Variants in ATP8B4 observed in about 807,000 individuals in gnomAD.
ATP8B4 encodes probable phospholipid-transporting ATPase IM.
ATP8B4 carries 133 observed loss-of-function variants against 145.6 expected under a neutral mutation model. The ratio of observed to expected loss-of-function variants is 0.91; its 90% CI spans 0.79 to 1.05. ATP8B4 has a LOEUF of 1.05. Among genes scored for constraint, ATP8B4 ranks in the 50% least tolerant of loss-of-function variants. ATP8B4 has a pLI of 0.00. For missense variants in ATP8B4, 1,458 were observed against 1,425.2 expected (o/e 1.02, Z -0.37); for synonymous variants, 507 against 492.9 (o/e 1.03, Z -0.38).
intron 3 of ATP8B4, among the ~76,000 whole-genome samples, chr15:50,064,659 A>G (rs2053255330): frequency 6.6e-6 from 1 of 152,136 alleles, no homozygotes; most frequent in Admixed American, 6.5e-5. Flanking sequence ...GTATTAGTCT[A>G]TTCTCATGCT....
intron 2 of ATP8B4, among the ~76,000 whole-genome samples, chr15:50,098,266 ATTTTTTTTTTTTTTTTTT>A (rs71124319): frequency 3.4e-4 from 14 of 41,766 alleles, no homozygotes; most frequent in African/African-American, 1.0e-3. Flanking sequence ...TTGTCAGGTG[ATTTTTTTTTTTTTTTTTT>A]TTTTTTTTTT....
intron 9 of ATP8B4, among the ~76,000 whole-genome samples, chr15:49,994,461 A>G (rs558300056): frequency 6.6e-6 from 1 of 152,250 alleles, no homozygotes; most frequent in South Asian, 2.1e-4. Context: ...TTTACTGAGT[A>G]CCTACTATGT....
intron 1 of ATP8B4, among the ~76,000 whole-genome samples, chr15:50,158,806 C>T (rs1196500201): frequency 1.3e-5 from 2 of 151,670 alleles, no homozygotes; most frequent in African/African-American, 2.4e-5. Context: ...TGACCTTACC[C>T]CCAACCCTGT....
intron 9 of ATP8B4, among the ~76,000 whole-genome samples, chr15:49,987,846 T>C (rs1185719901): frequency 6.6e-6 from 1 of 152,236 alleles, no homozygotes; most frequent in African/African-American, 2.4e-5. Flanking sequence ...ATATCTTTAC[T>C]TCCGGTTTGT....
intron 1 of ATP8B4, among the ~76,000 whole-genome samples, chr15:50,179,488 G>C (rs2044812732): frequency 6.6e-6 from 1 of 152,200 alleles, no homozygotes; most frequent in South Asian, 2.1e-4. Flanking sequence ...AACCACTAAA[G>C]ATAATTGAGC....
At chr15:50,100,241 C>T (rs554130467) in intron 2 of ATP8B4, among the ~76,000 whole-genome samples, 17 of 152,164 alleles carry the variant, frequency 1.1e-4, no homozygotes, top group African/African-American at 2.9e-4. Flanking sequence ...AGGCTGCAGA[C>T]GTGAACTTTC....
chr15:49,886,031 T>C (rs760431146), intron 23 of ATP8B4: 1 of 152,166 alleles, frequency 6.6e-6, no homozygotes, highest in Non-Finnish European at 1.5e-5. Flanking sequence ...CACTCATCGG[T>C]AGTTCCATGA....
chr15:50,113,489 A>T (rs1273404247), intron 1 of ATP8B4, among the ~76,000 whole-genome samples: 3 of 152,042 alleles, frequency 2.0e-5, no homozygotes, highest in African/African-American at 4.8e-5. Flanking sequence ...AGTAAAAAAA[A>T]AATTAAGCCA....
At chr15:49,966,621 G>A (rs2044566382) in intron 13 of ATP8B4, among the ~76,000 whole-genome samples, 2 of 152,228 alleles carry the variant, frequency 1.3e-5, no homozygotes, top group Non-Finnish European at 1.5e-5. Context: ...GCCCCAGTCA[G>A]GGGCTTATAG....
intron 1 of ATP8B4, among the ~76,000 whole-genome samples, chr15:50,135,442 G>A (rs781098465): frequency 1.1e-4 from 16 of 152,002 alleles, no homozygotes; most frequent in African/African-American, 1.7e-4. Context: ...TTATCATTGC[G>A]GCTTGCGGGA....
rs1314874797 is a variant in ATP8B4 at position 49,876,299 on chromosome 15, C to T, written c.3006G>A (p.Leu1002=). ...TTACCTGCACACTGACCACAATGAC[C>T]AAAGATGTGGCCATGGTAACTGCAA... The part of the protein sequence containing the change: ...QSFAVTMATS[L]VIVVSVQIAL... Residue 1002 remains leucine, a synonymous_variant, in exon 25 of 28, where the codon TTG becomes TTA. Transcript: ENST00000284509. 6.2e-7 allele frequency: 1 copy of T among 1,614,006 alleles called. No individual in the cohort carries two copies. The highest frequency in any genetic ancestry group is 8.5e-7 in the Non-Finnish European group (1 of 1,179,962).
At chr15:49,946,362 A>T (rs1235045500) in intron 14 of ATP8B4, among the ~76,000 whole-genome samples, 1 of 152,188 alleles carries the variant, frequency 6.6e-6, no homozygotes, top group African/African-American at 2.4e-5. Context: ...TTTGAATATA[A>T]TTCAACTTTC....
At chr15:50,100,035 CAA>C (rs751319243) in intron 2 of ATP8B4, among the ~76,000 whole-genome samples, 5 of 80,244 alleles carry the variant, frequency 6.2e-5, no homozygotes, top group Non-Finnish European at 5.0e-5. Context: ...AACTCCATCT[CAA>C]AAAAAAAAAA....
upstream of ATP8B4, among the ~76,000 whole-genome samples, chr15:50,123,399 A>C (rs931854933): frequency 4.6e-5 from 7 of 152,210 alleles, no homozygotes; most frequent in African/African-American, 1.7e-4. Flanking sequence ...AATTAGCTAC[A>C]GGATTAAAAA....
At chr15:49,950,618 AC>A (rs201481731) in intron 14 of ATP8B4, among the ~76,000 whole-genome samples, 2,658 of 98,522 alleles carry the variant, frequency 0.027, 111 homozygotes, top group African/African-American at 0.11. Context: ...AAACAAACAA[AC>A]AAAAAAAACA....
chr15:50,176,475 T>C (rs1348272764), intron 1 of ATP8B4, among the ~76,000 whole-genome samples: 1 of 152,098 alleles, frequency 6.6e-6, no homozygotes, highest in Non-Finnish European at 1.5e-5. Context: ...AAGAACTTGC[T>C]CATGTAACCA....
chr15:50,032,688 T>C lies in ATP8B4; in HGVS notation c.362+6080A>G, dbSNP rs1161668112. On this transcript the variant is annotated intron_variant, in intron 6 of 27. Transcript: ENST00000284509. ...ATTGTGAGATATGCACTGGATGGAATGTTATGTAGCCCCTAAAAATCGTAT... is the reference window on the plus strand; with the variant it reads ...ATTGTGAGATATGCACTGGATGGAACGTTATGTAGCCCCTAAAAATCGTAT... Among the ~76,000 whole-genome samples the C allele has an allele frequency of 2.0e-5, 3 of 152,296 alleles. No homozygotes were observed. The East Asian group carries it at 5.8e-4, about 29-fold the overall frequency.
At chr15:50,020,274 T>C (rs1318610066) in intron 6 of ATP8B4, among the ~76,000 whole-genome samples, 1 of 151,044 alleles carries the variant, frequency 6.6e-6, no homozygotes, top group Admixed American at 6.6e-5. Flanking sequence ...TTTTTTGTTT[T>C]TTTTTTTTTT....
At chr15:50,158,694 C>T (rs984823508) in intron 1 of ATP8B4, among the ~76,000 whole-genome samples, 3 of 152,220 alleles carry the variant, frequency 2.0e-5, no homozygotes, top group African/African-American at 7.2e-5. Flanking sequence ...ATTGAGAAAT[C>T]GGATGGTTGC....
Sources: allele counts gnomAD v4.1 joint callset (sites outside exome capture counted in the v4.1 genomes callset), GRCh38; gene constraint gnomAD v4.1.1; transcripts MANE v1.5; gene names NCBI Gene and HGNC (gene_info 2026-07-23, HGNC 2026-07-21).